The following ANGPT2 variants were observed in gnomAD, a reference collection of about 807,000 sequenced individuals.
ANGPT2 encodes the protein angiopoietin-2.
ANGPT2 carries 28 observed loss-of-function variants against 62.9 expected under a neutral mutation model. That is an observed-to-expected ratio of 0.44 (90% confidence interval 0.33 to 0.61). The LOEUF (loss-of-function observed/expected upper bound fraction) is 0.61, where lower values mean the gene tolerates loss of function less well. Among genes scored for constraint, ANGPT2 ranks in the 20% least tolerant of loss-of-function variants. The pLI is 0.03. For missense variants in ANGPT2, 727 were observed against 594.9 expected, an observed-to-expected ratio of 1.22 and a Z score of -2.31; for synonymous variants, 284 against 207.8, an observed-to-expected ratio of 1.37 and a Z score of -3.15.
intron 1 of ANGPT2, among the ~76,000 whole-genome samples, chr8:6,552,894 A>G (rs1176873307): frequency 6.6e-6 from 1 of 152,012 alleles, no homozygotes; most frequent in Admixed American, 6.6e-5. Flanking sequence ...CAACTGTATG[A>G]CATTCTGGAA....
At chr8:6,540,592 C>CT in intron 1 of ANGPT2, among the ~76,000 whole-genome samples, 1 of 152,192 alleles carries the variant, frequency 6.6e-6, no homozygotes, top group Admixed American at 6.5e-5. Context: ...CAGACGTTGT[C>CT]AGGCCACGTC....
intron 7 of ANGPT2, 61 bp downstream of exon 7, chr8:6,513,617 G>C (rs1215843029): frequency 6.7e-7 from 1 of 1,482,084 alleles, no homozygotes; most frequent in East Asian, 2.3e-5. Context: ...ACAGGCGTGA[G>C]CCACCGTGCC....
At chr8:6,562,578 T>TTTTTTTTTTTAAA in intron 1 of ANGPT2, 69 bp downstream of exon 1, 1 of 880,188 alleles carries the variant, frequency 1.1e-6, no homozygotes, top group Non-Finnish European at 1.6e-6. Context: ...TTTTGGTTGT[T>TTTTTTTTTTTAAA]AAAACCTGAG....
chr8:6,515,087 T>G (rs796430493), intron 5 of ANGPT2, among the ~76,000 whole-genome samples: 2 of 152,144 alleles, frequency 1.3e-5, no homozygotes. Context: ...CAGAGATTGC[T>G]GTTTTTTTAG....
intron 1 of ANGPT2, among the ~76,000 whole-genome samples, chr8:6,540,597 C>G (rs1388301001): frequency 6.6e-6 from 1 of 152,204 alleles, no homozygotes; most frequent in Non-Finnish European, 1.5e-5. Context: ...GTTGTCAGGC[C>G]ACGTCTGCAT....
At chr8:6,522,726 A>C (rs1236790408) in intron 3 of ANGPT2, among the ~76,000 whole-genome samples, 1 of 151,554 alleles carries the variant, frequency 6.6e-6, no homozygotes, top group African/African-American at 2.4e-5. Context: ...GTGAGCTGAG[A>C]TTATGCCATT....
intron 5 of ANGPT2, among the ~76,000 whole-genome samples, chr8:6,516,104 A>T (rs1466910999): frequency 6.6e-6 from 1 of 152,192 alleles, no homozygotes; most frequent in Non-Finnish European, 1.5e-5. Context: ...CATGTTTGGA[A>T]ACATAGGTGC....
chr8:6,549,298 AT>A (rs1386454628), intron 1 of ANGPT2, among the ~76,000 whole-genome samples: 1 of 152,272 alleles, frequency 6.6e-6, no homozygotes, highest in Non-Finnish European at 1.5e-5. Context: ...AAACTTTAAC[AT>A]GCACAACAAC....
intron 2 of ANGPT2, 59 bp from the exon 3 acceptor site, chr8:6,527,735 C>G: frequency 6.8e-7 from 1 of 1,466,116 alleles, no homozygotes; most frequent in Non-Finnish European, 9.2e-7. Flanking sequence ...AACTTTCTAA[C>G]TTCCTTTTCA....
Position 6,508,709 on chromosome 8 carries a change from G to C in ANGPT2, c.1327+223C>G, listed in dbSNP as rs1034896266. 4.7e-6 allele frequency: 3 copies of C among 638,836 alleles called. No individual in the cohort carries two copies. The African/African-American group carries it at 5.5e-5, about 12-fold the overall frequency. 39.6% of individuals were successfully genotyped at this position (638,836 alleles called of 1,614,324 possible). A position where few individuals can be genotyped will look rare whatever the true frequency, so the allele number is the denominator to read the frequency against. On this transcript the variant is annotated intron_variant, in intron 8 of 8. Transcript: ENST00000629816. The stretch of plus-strand genomic sequence containing the variant: ...CCTTGCCAGGGCTAGGTCCTGAGGA[G>C]ACACAGTTGGCTTGCTGACAAGTCT...
intron 1 of ANGPT2, among the ~76,000 whole-genome samples, chr8:6,536,411 C>A (rs1271782059): frequency 1.3e-5 from 2 of 151,848 alleles, no homozygotes; most frequent in African/African-American, 2.4e-5. Context: ...TTTTAAGAGC[C>A]AAAGTGATAT....
intron 1 of ANGPT2, among the ~76,000 whole-genome samples, chr8:6,533,207 G>T (rs1333577955): frequency 6.6e-6 from 1 of 152,182 alleles, no homozygotes; most frequent in East Asian, 1.9e-4. Context: ...CTCTCCCTCA[G>T]TTACTAAAGA....
At chr8:6,544,285 G>A (rs892992033) in intron 1 of ANGPT2, among the ~76,000 whole-genome samples, 4 of 152,184 alleles carry the variant, frequency 2.6e-5, no homozygotes, top group Admixed American at 1.3e-4. Flanking sequence ...ACTTCTGTCT[G>A]TGGCCAGCAG....
intron 8 of ANGPT2, chr8:6,507,974 A>T (rs560803137): frequency 2.0e-5 from 3 of 152,144 alleles, no homozygotes; most frequent in Non-Finnish European, 2.9e-5. Flanking sequence ...GACTACTACA[A>T]TGGTTTTTGG....
chr8:6,530,811 A>C (rs781386489), intron 2 of ANGPT2, among the ~76,000 whole-genome samples: 4 of 152,154 alleles, frequency 2.6e-5, no homozygotes, highest in Non-Finnish European at 2.9e-5. Context: ...ACCTCATCCA[A>C]CCATTTTTAG....
At chr8:6,519,682 A>G (rs1816939251) in intron 5 of ANGPT2, among the ~76,000 whole-genome samples, 182 bp downstream of exon 5, 1 of 152,240 alleles carries the variant, frequency 6.6e-6, no homozygotes, top group Non-Finnish European at 1.5e-5. Flanking sequence ...TTTTCTGCAC[A>G]GCAGCGGCAC....
intron 7 of ANGPT2, among the ~76,000 whole-genome samples, chr8:6,512,812 G>A (rs993504238): frequency 6.6e-6 from 1 of 152,190 alleles, no homozygotes; most frequent in Non-Finnish European, 1.5e-5. Flanking sequence ...AAATGGGTGA[G>A]GACAAGGTAA....
chr8:6,544,138 C>T (rs1444793973), intron 1 of ANGPT2, among the ~76,000 whole-genome samples: 1 of 152,208 alleles, frequency 6.6e-6, no homozygotes, highest in Non-Finnish European at 1.5e-5. Context: ...TTATCTTCAT[C>T]TCTTGATCTG....
At chr8:6,524,686 A>G (rs1315334952) in intron 3 of ANGPT2, among the ~76,000 whole-genome samples, 4 of 152,230 alleles carry the variant, frequency 2.6e-5, no homozygotes, top group African/African-American at 4.8e-5. Flanking sequence ...GGAAATTTAG[A>G]TGTTTTGATG....
Sources: gnomAD v4.1 joint callset for allele counts (sites outside exome capture counted in the v4.1 genomes callset) on GRCh38, gnomAD v4.1.1 for gene constraint, MANE v1.5 for transcripts, NCBI Gene and HGNC (gene_info 2026-07-23, HGNC 2026-07-21) for gene names.